Variants in RIMS4 observed in about 807,000 individuals in gnomAD.
RIMS4 encodes the protein regulating synaptic membrane exocytosis 4, also known as regulating synaptic membrane exocytosis protein 4.
RIMS4 carries 9 observed loss-of-function variants against 29.0 expected under a neutral mutation model. The observed-to-expected ratio is 0.31, with a 90% CI of 0.19 to 0.54. The LOEUF is 0.54. Ranked by LOEUF, RIMS4 falls within the 20% of genes least tolerant of loss-of-function variation. The probability of loss-of-function intolerance (pLI) is 0.94; values close to 1 mark genes in which losing one functional copy is unlikely to be tolerated. For missense variants in RIMS4, 193 were observed against 365.7 expected (o/e 0.53, Z 3.85); for synonymous variants, 130 against 152.9 (o/e 0.85, Z 1.10).
chr20:44,782,562 A>G (rs923298721), intron 1 of RIMS4, among the ~76,000 whole-genome samples: 2 of 152,070 alleles, frequency 1.3e-5, no homozygotes, highest in Non-Finnish European at 2.9e-5. Context: ...ACAGGCATGA[A>G]CCACCATGCC....
chr20:44,759,126 T>G (rs911041560), intron 2 of RIMS4, among the ~76,000 whole-genome samples: 1 of 152,212 alleles, frequency 6.6e-6, no homozygotes, highest in Non-Finnish European at 1.5e-5. Context: ...TTGTATTAAG[T>G]GCGATGAGGC....
chr20:44,760,776 A>G lies in RIMS4; in HGVS notation c.237-2592T>C, dbSNP rs551250828. On this transcript the variant is annotated intron_variant, in intron 2 of 5. Coordinates refer to ENST00000372851, the MANE Select transcript of RIMS4 (RefSeq NM_182970.4). ...AGGCACTATTCTGGACACTTGGAAT[A>G]TGTTAGTGAACAGTGATTTCTGCCC... 3.9e-5 allele frequency among the ~76,000 whole-genome samples: 6 copies of G among 152,322 alleles called. No homozygotes were observed. In the Middle Eastern group the frequency reaches 0.014, roughly 345 times the overall value.
chr20:44,768,441 C>T (rs1276290499), intron 2 of RIMS4, among the ~76,000 whole-genome samples: 3 of 152,184 alleles, frequency 2.0e-5, no homozygotes, highest in Non-Finnish European at 2.9e-5. Context: ...TGGCAGAAGC[C>T]CAAGGGGTGG....
chr20:44,761,495 A>G (rs1306093305), intron 2 of RIMS4, among the ~76,000 whole-genome samples: 1 of 152,208 alleles, frequency 6.6e-6, no homozygotes. Flanking sequence ...CATGCCTCAG[A>G]AGCAGCCCCC....
At chr20:44,795,596 C>A (rs147894397) in intron 1 of RIMS4, among the ~76,000 whole-genome samples, 1 of 151,898 alleles carries the variant, frequency 6.6e-6, no homozygotes, top group Non-Finnish European at 1.5e-5. Flanking sequence ...CGTGCCACTG[C>A]ACTCCAGCCT....
intron 2 of RIMS4, among the ~76,000 whole-genome samples, chr20:44,767,394 C>A (rs1286984783): frequency 6.6e-6 from 1 of 152,152 alleles, no homozygotes; most frequent in African/African-American, 2.4e-5. Flanking sequence ...CACAGAGCTC[C>A]AATTTCTGAT....
At chr20:44,803,676 A>T (rs1285526201) in intron 1 of RIMS4, among the ~76,000 whole-genome samples, 1 of 149,864 alleles carries the variant, frequency 6.7e-6, no homozygotes, top group Admixed American at 6.6e-5. Flanking sequence ...GAAGGAAAAA[A>T]GGGGAGGGGG....
chr20:44,757,611 C>T (rs2145442474), intron 4 of RIMS4, 59 bp downstream of exon 4: 3 of 1,364,398 alleles, frequency 2.2e-6, no homozygotes, highest in Admixed American at 3.3e-5. Flanking sequence ...CCTCAGTACC[C>T]ATCAGGATAT....
intron 1 of RIMS4, among the ~76,000 whole-genome samples, chr20:44,802,818 A>T (rs1050471584): frequency 6.6e-6 from 1 of 152,014 alleles, no homozygotes; most frequent in African/African-American, 2.4e-5. Context: ...CCCTTCTCTG[A>T]TCTTGTCTCT....
intron 1 of RIMS4, among the ~76,000 whole-genome samples, chr20:44,779,606 T>C (rs1369355481): frequency 6.6e-6 from 1 of 152,238 alleles, no homozygotes; most frequent in African/African-American, 2.4e-5. Context: ...TTGTAGTACA[T>C]TGTGTGAATA....
intron 1 of RIMS4, among the ~76,000 whole-genome samples, chr20:44,785,015 A>G (rs868251994): frequency 3.3e-5 from 5 of 152,308 alleles, no homozygotes; most frequent in East Asian, 3.9e-4. Context: ...GGTGAGGTCA[A>G]TGCTGCTGGT....
intron 2 of RIMS4, among the ~76,000 whole-genome samples, chr20:44,763,903 G>A (rs1181922836): frequency 2.6e-5 from 4 of 152,088 alleles, no homozygotes; most frequent in Non-Finnish European, 5.9e-5. Context: ...CAAAGGTTTA[G>A]GAGTTTACGG....
intron 1 of RIMS4, among the ~76,000 whole-genome samples, chr20:44,774,979 C>G (rs2066153383): frequency 6.6e-6 from 1 of 152,128 alleles, no homozygotes; most frequent in Admixed American, 6.5e-5. Flanking sequence ...GTGGCTCCAG[C>G]CCATCGATCC....
intron 1 of RIMS4, 127 bp from the exon 2 acceptor site, chr20:44,771,540 GC>G: frequency 1.0e-6 from 1 of 1,004,028 alleles, no homozygotes; most frequent in Non-Finnish European, 1.5e-6. Flanking sequence ...TCCACCCTCA[GC>G]CCATCAACCT....
chr20:44,756,111 G>A lies in RIMS4; in HGVS notation c.*23C>T. 6.4e-7 allele frequency: 1 copy of A among 1,564,632 alleles called. No homozygotes were observed. The highest frequency in any genetic ancestry group is 8.7e-7 in the Non-Finnish European group (1 of 1,148,940). On this transcript the variant is annotated 3_prime_UTR_variant, in exon 6 of 6. Transcript: ENST00000372851. The surrounding 1 kb of genome is among the most constrained non-coding windows in gnomAD (Gnocchi z 5.9). ...GCTGGGTGGTCTCCAGGCCATCTTG[G>A]GGAGCCCCTCCCCATTCCAGCACTA...
At chr20:44,773,080 A>C (rs2066144056) in intron 1 of RIMS4, among the ~76,000 whole-genome samples, 1 of 152,060 alleles carries the variant, frequency 6.6e-6, no homozygotes, top group South Asian at 2.1e-4. Flanking sequence ...AAAACACAGC[A>C]ACACACACAC....
chr20:44,774,896 T>C (rs950748391), intron 1 of RIMS4, among the ~76,000 whole-genome samples: 1 of 152,024 alleles, frequency 6.6e-6, no homozygotes, highest in Non-Finnish European at 1.5e-5. Flanking sequence ...CCCACCTCTT[T>C]CACCAACTAA....
chr20:44,801,248 C>G (rs1029778082), intron 1 of RIMS4, among the ~76,000 whole-genome samples: 3 of 152,158 alleles, frequency 2.0e-5, no homozygotes, highest in African/African-American at 7.2e-5. Context: ...AAGTCCCACC[C>G]GGAAACTATT....
intron 1 of RIMS4, among the ~76,000 whole-genome samples, chr20:44,809,502 G>A (rs986590283): frequency 6.6e-5 from 10 of 152,128 alleles, no homozygotes; most frequent in Non-Finnish European, 1.2e-4. Context: ...GAGGTCAGGG[G>A]CACACACCAG....
Sources: gnomAD v4.1 joint callset for allele counts (sites outside exome capture counted in the v4.1 genomes callset) on GRCh38, gnomAD v4.1.1 for gene constraint, Gnocchi (gnomAD v3.1) non-coding constraint, MANE v1.5 for transcripts, NCBI Gene and HGNC (gene_info 2026-07-23, HGNC 2026-07-21) for gene names.